Variants in CD200R1 observed in about 807,000 individuals in gnomAD.
CD200R1 encodes cell surface glycoprotein CD200 receptor 1.
CD200R1 carries 30 observed loss-of-function variants against 38.1 expected under a neutral mutation model. The ratio of observed to expected loss-of-function variants is 0.79; its 90% CI spans 0.59 to 1.07. CD200R1 has a LOEUF of 1.07. CD200R1 is among the 50% of genes least tolerant of loss of function. The pLI is 0.00. For missense variants in CD200R1, 372 were observed against 415.4 expected (o/e 0.90, Z 0.91); for synonymous variants, 128 against 152.1 (o/e 0.84, Z 1.16).
In CD200R1 at chr3:112,974,997, C is replaced by G. The variant is rs909514343; in HGVS notation, c.-140G>C. 5 of 671,176 alleles carry G rather than the reference C, an allele frequency of 7.4e-6. No homozygotes were observed. The highest frequency in any genetic ancestry group is 1.3e-5 in the Non-Finnish European group (5 of 375,144). The allele number at this position is 671,176 out of a possible 1,614,324, so 41.6% of individuals were successfully genotyped here. ...TACCCCATCAACAGTGGGGCACTCC[C>G]TTCCTTCTAGCCCCTTCCTTCACGT... On this transcript the variant is annotated 5_prime_UTR_variant, in exon 1 of 8. Coordinates refer to ENST00000308611, the MANE Select transcript of CD200R1 (RefSeq NM_138806.4).
intron 2 of CD200R1, among the ~76,000 whole-genome samples, chr3:112,944,428 A>G (rs547719970): frequency 6.6e-6 from 1 of 151,900 alleles, no homozygotes; most frequent in East Asian, 1.9e-4. Context: ...GACAAAATTT[A>G]ACATTCATTT....
intron 1 of CD200R1, among the ~76,000 whole-genome samples, chr3:112,961,036 C>G (rs1244492130): frequency 6.6e-6 from 1 of 151,682 alleles, no homozygotes; most frequent in Non-Finnish European, 1.5e-5. Flanking sequence ...GATGTGAACA[C>G]CAAATTAGAT....
At chr3:112,929,866 T>C (rs1209473810) in intron 3 of CD200R1, among the ~76,000 whole-genome samples, 2 of 152,158 alleles carry the variant, frequency 1.3e-5, no homozygotes, top group African/African-American at 4.8e-5. Flanking sequence ...GCCTTTATCA[T>C]ACAATGTATG....
intron 2 of CD200R1, among the ~76,000 whole-genome samples, chr3:112,936,028 C>A (rs565289299): frequency 6.6e-6 from 1 of 152,286 alleles, no homozygotes; most frequent in Admixed American, 6.5e-5. Context: ...TCAGCTCCCA[C>A]TTATAAGTGA....
intron 7 of CD200R1, 86 bp downstream of exon 7, chr3:112,924,404 A>T: frequency 9.6e-7 from 1 of 1,038,924 alleles, no homozygotes; most frequent in Non-Finnish European, 1.3e-6. Context: ...CTGAAACACT[A>T]ATATTGATAC....
chr3:112,934,286 A>G lies in CD200R1; in HGVS notation c.137-3115T>C, dbSNP rs568866823. On this transcript the variant is annotated intron_variant, in intron 2 of 7. Transcript: ENST00000308611. ...GGAATCCCCCTTATACTGATAGCAG[A>G]TTTCTCATCAGAAACCTTATGGGCC... 6.6e-5 allele frequency among the ~76,000 whole-genome samples: 10 copies of G among 152,300 alleles called. No individual in the cohort carries two copies. In the South Asian group the frequency reaches 1.9e-3, roughly 28 times the overall value.
chr3:112,936,041 A>G (rs1439457157), intron 2 of CD200R1, among the ~76,000 whole-genome samples: 2 of 152,162 alleles, frequency 1.3e-5, no homozygotes, highest in Non-Finnish European at 2.9e-5. Flanking sequence ...ATAAGTGAGA[A>G]AATGCACTGT....
At chr3:112,953,833 C>CT (rs376167946) in intron 1 of CD200R1, among the ~76,000 whole-genome samples, 7 of 152,064 alleles carry the variant, frequency 4.6e-5, no homozygotes, top group South Asian at 2.1e-4. Context: ...GAGTCTCTCT[C>CT]TTTTTTTCTC....
chr3:112,948,859 CA>C (rs910251471), intron 1 of CD200R1, among the ~76,000 whole-genome samples: 1 of 151,978 alleles, frequency 6.6e-6, no homozygotes, highest in African/African-American at 2.4e-5. Flanking sequence ...CCCTTTTTTC[CA>C]AGAGCTTAAG....
chr3:112,970,542 G>A (rs1933278216), intron 1 of CD200R1, among the ~76,000 whole-genome samples: 1 of 152,144 alleles, frequency 6.6e-6, no homozygotes, highest in Admixed American at 6.6e-5. Context: ...ATTGACAAAT[G>A]TATGTGAGTG....
At chr3:112,940,917 C>T (rs1160980945) in intron 2 of CD200R1, among the ~76,000 whole-genome samples, 1 of 151,566 alleles carries the variant, frequency 6.6e-6, no homozygotes, top group African/African-American at 2.4e-5. Flanking sequence ...CGCCCAATAA[C>T]AAATGAATGG....
At chr3:112,966,424 A>T (rs1448617035) in intron 1 of CD200R1, among the ~76,000 whole-genome samples, 1 of 152,242 alleles carries the variant, frequency 6.6e-6, no homozygotes. Flanking sequence ...CCAATTAAAG[A>T]TAAGTAGGAT....
chr3:112,948,246 C>T (rs1377191124), intron 1 of CD200R1, among the ~76,000 whole-genome samples: 2 of 152,114 alleles, frequency 1.3e-5, no homozygotes, highest in African/African-American at 4.8e-5. Flanking sequence ...CTAGGCTTTT[C>T]AAGCACCAAT....
chr3:112,962,432 T>TA (rs1230461023), intron 1 of CD200R1, among the ~76,000 whole-genome samples: 1 of 152,152 alleles, frequency 6.6e-6, no homozygotes. Flanking sequence ...AACTGTAATT[T>TA]AAAAAAACTG....
chr3:112,972,921 A>G (rs1329500127), intron 1 of CD200R1, among the ~76,000 whole-genome samples: 1 of 152,194 alleles, frequency 6.6e-6, no homozygotes, highest in African/African-American at 2.4e-5. Context: ...CATTATTCTA[A>G]ATCATGTCAT....
chr3:112,965,739 G>A (rs563681998), intron 1 of CD200R1, among the ~76,000 whole-genome samples: 59 of 152,062 alleles, frequency 3.9e-4, no homozygotes, highest in South Asian at 1.0e-3. Flanking sequence ...CGAGCCTGGC[G>A]ACAGAGTGAG....
chr3:112,941,194 A>G (rs1467870191), intron 2 of CD200R1, among the ~76,000 whole-genome samples: 1 of 151,578 alleles, frequency 6.6e-6, no homozygotes, highest in Non-Finnish European at 1.5e-5. Context: ...GTTAAAGGGC[A>G]CAAAATTATA....
intron 2 of CD200R1, among the ~76,000 whole-genome samples, chr3:112,941,577 A>G (rs1226168799): frequency 6.6e-6 from 1 of 151,544 alleles, no homozygotes; most frequent in Non-Finnish European, 1.5e-5. Context: ...GTTTTTCACA[A>G]TCACAATAGT....
intron 1 of CD200R1, among the ~76,000 whole-genome samples, chr3:112,955,484 T>C (rs1941074863): frequency 6.6e-6 from 1 of 152,048 alleles, no homozygotes; most frequent in Non-Finnish European, 1.5e-5. Flanking sequence ...TATCAATATA[T>C]AAAGACCTTT....
Sources: allele counts gnomAD v4.1 joint callset (sites outside exome capture counted in the v4.1 genomes callset), GRCh38; gene constraint gnomAD v4.1.1; transcripts MANE v1.5; gene names NCBI Gene and HGNC (gene_info 2026-07-23, HGNC 2026-07-21).